LDB2: variants seen among roughly 807,000 people sequenced by gnomAD.
The protein encoded by LDB2 is LIM domain-binding protein 2.
In LDB2, 12 loss-of-function variants were observed where a neutral mutation model predicts 44.3. The observed-to-expected ratio is 0.27, with a 90% CI of 0.17 to 0.44. The LOEUF is 0.44. Among genes scored for constraint, LDB2 ranks in the 20% least tolerant of loss-of-function variants. LDB2 has a pLI of 1.00. For missense variants in LDB2, 344 were observed against 473.5 expected (o/e 0.73, Z 2.54); for synonymous variants, 164 against 174.8 (o/e 0.94, Z 0.49).
chr4:16,868,514 A>C (rs976068675), intron 1 of LDB2, among the ~76,000 whole-genome samples: 2 of 152,206 alleles, frequency 1.3e-5, no homozygotes, highest in Non-Finnish European at 1.5e-5. Flanking sequence ...GTCACTCAGC[A>C]CTGGAATCAA....
At chr4:16,889,658 A>G (rs1189987997) in intron 1 of LDB2, among the ~76,000 whole-genome samples, 1 of 152,196 alleles carries the variant, frequency 6.6e-6, no homozygotes, top group Non-Finnish European at 1.5e-5. Flanking sequence ...TCTTTATTCA[A>G]TAGGTAATAT....
rs114353150 is a variant in LDB2, at chr4:16,689,202, C to A, written c.235+69956G>T. 5.4e-3 allele frequency among the ~76,000 whole-genome samples: 828 copies of A among 152,254 alleles called. 4 individuals carry two copies. Among genetic ancestry groups the A allele is most frequent in the African/African-American group, 0.019 (784 of 41,552 alleles). On this transcript the variant is annotated intron_variant, in intron 2 of 7. Coordinates refer to ENST00000304523, the MANE Select transcript of LDB2 (RefSeq NM_001290.5). ...TACCAGAGCTGGATCACCGAGGGTA[C>A]AAAGCTGATGTTGGAGACAGCACCC... is the stretch of plus-strand genomic sequence containing the variant.
chr4:16,804,359 G>A (rs1277975280), intron 1 of LDB2, among the ~76,000 whole-genome samples: 1 of 152,144 alleles, frequency 6.6e-6, no homozygotes, highest in Non-Finnish European at 1.5e-5. Flanking sequence ...AACAAAATTT[G>A]GAAGGGCCTC....
chr4:16,612,745 G>A (rs908252683), intron 2 of LDB2, among the ~76,000 whole-genome samples: 5 of 152,130 alleles, frequency 3.3e-5, no homozygotes, highest in Admixed American at 2.6e-4. Context: ...AGGACCGGAC[G>A]GATTCACAGC....
intron 2 of LDB2, among the ~76,000 whole-genome samples, chr4:16,621,942 A>G (rs1249844840): frequency 2.0e-5 from 3 of 152,240 alleles, no homozygotes; most frequent in African/African-American, 7.2e-5. Context: ...TCAACACTAG[A>G]AGTAAAGATG....
At chr4:16,841,896 T>A (rs1022946345) in intron 1 of LDB2, among the ~76,000 whole-genome samples, 4 of 152,196 alleles carry the variant, frequency 2.6e-5, no homozygotes, top group African/African-American at 4.8e-5. Flanking sequence ...GTCAAATGCA[T>A]ATGATGCAAC....
chr4:16,576,261 A>G (rs1711546332), intron 5 of LDB2, among the ~76,000 whole-genome samples: 1 of 152,178 alleles, frequency 6.6e-6, no homozygotes, highest in African/African-American at 2.4e-5. Context: ...TGAAATTAAA[A>G]TGAAGAAAAC....
chr4:16,561,887 C>G (rs1174831978), intron 5 of LDB2, among the ~76,000 whole-genome samples: 1 of 152,114 alleles, frequency 6.6e-6, no homozygotes. Flanking sequence ...ACCAATGGAA[C>G]AGAACAGAGC....
chr4:16,862,489 T>G (rs1712983200), intron 1 of LDB2, among the ~76,000 whole-genome samples: 1 of 151,564 alleles, frequency 6.6e-6, no homozygotes, highest in African/African-American at 2.4e-5. Context: ...CAATATTAGC[T>G]AGGCGTGATA....
intron 2 of LDB2, among the ~76,000 whole-genome samples, chr4:16,628,948 C>T (rs1398453850): frequency 2.0e-5 from 3 of 152,204 alleles, no homozygotes; most frequent in African/African-American, 7.2e-5. Flanking sequence ...CCAGGAGATC[C>T]CCCACCCTGT....
chr4:16,574,496 C>A (rs919517168), intron 5 of LDB2, among the ~76,000 whole-genome samples: 2 of 152,156 alleles, frequency 1.3e-5, no homozygotes, highest in African/African-American at 4.8e-5. Flanking sequence ...AAAGCCGCAA[C>A]CAATGTATGG....
chr4:16,560,140 A>C (rs907100540), intron 5 of LDB2, among the ~76,000 whole-genome samples: 22 of 152,284 alleles, frequency 1.4e-4, no homozygotes, highest in Admixed American at 7.8e-4. Flanking sequence ...GACACCCTAA[A>C]GTCACAATTA....
chr4:16,860,914 AT>A (rs1712327789), intron 1 of LDB2, among the ~76,000 whole-genome samples: 1 of 124,994 alleles, frequency 8.0e-6, no homozygotes, highest in Admixed American at 8.5e-5. Flanking sequence ...TCCTACAGCT[AT>A]AAAAAAAAAA....
intron 2 of LDB2, among the ~76,000 whole-genome samples, chr4:16,657,869 C>T (rs150821729): frequency 6.6e-6 from 1 of 152,202 alleles, no homozygotes; most frequent in East Asian, 1.9e-4. Context: ...TTACTTAGTC[C>T]CCACTATTTG....
chr4:16,840,754 T>C (rs767798103), intron 1 of LDB2, among the ~76,000 whole-genome samples: 1 of 152,236 alleles, frequency 6.6e-6, no homozygotes, highest in Non-Finnish European at 1.5e-5. Context: ...TAGCACTTGA[T>C]GCAGTATGCA....
At chr4:16,663,648 G>A (rs1742225903) in intron 2 of LDB2, among the ~76,000 whole-genome samples, 1 of 152,210 alleles carries the variant, frequency 6.6e-6, no homozygotes. Flanking sequence ...CCTTGGTGTT[G>A]AGCACAGGGT....
At chr4:16,557,469 T>C (rs377136979) in intron 5 of LDB2, among the ~76,000 whole-genome samples, 1 of 152,116 alleles carries the variant, frequency 6.6e-6, no homozygotes, top group African/African-American at 2.4e-5. Flanking sequence ...AGCACAGCAG[T>C]CTGAGATCAA....
intron 2 of LDB2, among the ~76,000 whole-genome samples, chr4:16,649,822 C>T (rs147495147): frequency 3.0e-4 from 46 of 152,264 alleles, no homozygotes; most frequent in African/African-American, 1.1e-3. Flanking sequence ...ACTGATGATG[C>T]CATGCTATTA....
chr4:16,784,244 C>G (rs148483910), intron 1 of LDB2, among the ~76,000 whole-genome samples: 1 of 152,134 alleles, frequency 6.6e-6, no homozygotes, highest in Non-Finnish European at 1.5e-5. Flanking sequence ...GACATCCATG[C>G]GGAGCTTGTC....
Sources: gnomAD v4.1 joint callset for allele counts (sites outside exome capture counted in the v4.1 genomes callset) on GRCh38, gnomAD v4.1.1 for gene constraint, MANE v1.5 for transcripts, NCBI Gene and HGNC (gene_info 2026-07-23, HGNC 2026-07-21) for gene names.